GPR31: variants seen among roughly 807,000 people sequenced by gnomAD.
The protein encoded by GPR31 is G protein-coupled receptor 31.
For missense variants in GPR31, 394 were observed against 400.5 expected, an observed-to-expected ratio of 0.98 and a Z score of 0.14; for synonymous variants, 209 against 183.8, an observed-to-expected ratio of 1.14 and a Z score of -1.11.
rs751029396 is a variant in GPR31, at chr6:167,157,031, C to T, written c.801G>A (p.Thr267=). The change falls in exon 1 of 1, where the codon ACG becomes ACA. Residue 267 remains threonine, a synonymous_variant. Coordinates refer to ENST00000366834, the MANE Select transcript of GPR31 (RefSeq NM_005299.3). ...LCAVAHTSDV[T]GSLTYLHSVL... is the part of the protein sequence containing the mutation. ...CACTGTGCAGGTAGGTGAGGCTGCC[C>T]GTGACATCCGAGGTATGAGCCACTG... The T allele has an allele frequency of 2.8e-5, 45 of 1,613,966 alleles. No individual in the cohort carries two copies. In the South Asian group the frequency reaches 4.2e-4, roughly 15 times the overall value.
At position 167,157,660 on chromosome 6, in the gene GPR31, G is replaced by A. The variant is rs753133624; in HGVS notation, c.172C>T (p.Leu58=). 12 of 1,613,800 alleles carry A rather than the reference G, an allele frequency of 7.4e-6. No homozygotes were observed. In the African/African-American group the frequency reaches 1.6e-4, roughly 22 times the overall value. Residue 58 remains leucine (L), a synonymous_variant, in exon 1 of 1, where the codon CTG becomes TTG. Coordinates refer to ENST00000366834, the MANE Select transcript of GPR31 (RefSeq NM_005299.3). ...PYAVYLLNLA[L]ADLLLAACLP... is the part of the protein sequence containing the mutation. ...CACGCAGCCAACAGCAGGTCAGCCA[G>A]GGCCAGGTTGAGCAGGTAGACAGCG...
At position 167,156,821 on chromosome 6, in the gene GPR31, T is replaced by C; in HGVS notation, c.*51A>G. The C allele has an allele frequency of 6.6e-7, 1 of 1,513,872 alleles. No homozygotes were observed. The highest frequency in any genetic ancestry group is 8.9e-7 in the Non-Finnish European group (1 of 1,129,510). 93.8% of individuals were successfully genotyped at this position (1,513,872 alleles called of 1,614,324 possible). On this transcript the variant is annotated 3_prime_UTR_variant, in exon 1 of 1. Transcript: ENST00000366834. This position sits in a 1 kb window ranked among gnomAD's most constrained non-coding sequence, Gnocchi z 4.5. ...ATCCCAAAGTAGGAGTAATTATTAT[T>C]TAGGTCGCAGGTAGTTCCATAAACA...
At position 167,157,580 on chromosome 6, in the gene GPR31, A is replaced by C. The variant is rs748543094; in HGVS notation, c.252T>G (p.Arg84=). Reference sequence around the variant, plus strand: ...GGAAGTGCAGGGCCCAGCAGCCCACACGGCCCAGATGCCAAGCCTGGAGGC... The same window carrying C: ...GGAAGTGCAGGGCCCAGCAGCCCACCCGGCCCAGATGCCAAGCCTGGAGGC... ...YLSLQAWHLG[R]VGCWALHFLL... The change falls in exon 1 of 1, where the codon CGT becomes CGG. Residue 84 remains arginine, a synonymous_variant. Transcript: ENST00000366834. 9.0e-5 allele frequency: 145 copies of C among 1,610,770 alleles called. No individual in the cohort carries two copies. Among genetic ancestry groups the C allele is most frequent in the Admixed American group, 1.7e-4 (10 of 59,784 alleles).
At position 167,156,211 on chromosome 6, in the gene GPR31, G is replaced by C. The variant is rs1782061027; in HGVS notation, c.*661C>G. 1 of 152,172 alleles carries C rather than the reference G, an allele frequency of 6.6e-6. No homozygotes were observed. The highest frequency in any genetic ancestry group is 2.4e-5 in the African/African-American group (1 of 41,434). The allele number at this position is 152,172 out of a possible 1,614,324, so 9.4% of individuals were successfully genotyped here. ...GAGGCAAATTCCAGAAACGTATCAG[G>C]AAAGCATTTCTTACAGTAAACTAGG... is the stretch of plus-strand genomic sequence containing the variant. On this transcript the variant is annotated 3_prime_UTR_variant, in exon 1 of 1. Transcript: ENST00000366834. The surrounding 1 kb of genome is among the most constrained non-coding windows in gnomAD (Gnocchi z 4.5).
Position 167,157,854 on chromosome 6 carries a change from G to T in GPR31, c.-23C>A. 1 of 1,587,554 alleles carries T rather than the reference G, an allele frequency of 6.3e-7. No homozygotes were observed. ...CATCACCCGGCCGTGAGGGGCTGCA[G>T]GCACAGCTGGAGCAGGTACAGGAGG... On this transcript the variant is annotated 5_prime_UTR_variant, in exon 1 of 1. The change creates a new upstream start codon in the 5' untranslated region. Transcript: ENST00000366834.
chr6:167,156,724 C>A lies in GPR31; in HGVS notation c.*148G>T. 2 of 877,276 alleles carry A rather than the reference C, an allele frequency of 2.3e-6. No individual in the cohort carries two copies. Among genetic ancestry groups the A allele is most frequent in the East Asian group, 5.0e-5 (2 of 40,028 alleles). 54.3% of individuals were successfully genotyped at this position (877,276 alleles called of 1,614,324 possible). ...CTGGTCAACAAAGTATAAGACCACA[C>A]CTGCAGCAACTGTGCCCATGTTTAT... On this transcript the variant is annotated 3_prime_UTR_variant, in exon 1 of 1. Transcript: ENST00000366834. This position sits in a 1 kb window ranked among gnomAD's most constrained non-coding sequence, Gnocchi z 4.5.
chr6:167,157,613 G>A lies in GPR31; in HGVS notation c.219C>T (p.Phe73=), dbSNP rs1260800078. Residue 73 remains phenylalanine (F), a synonymous_variant, in exon 1 of 1, where the codon TTC becomes TTT. Transcript: ENST00000366834. ...GATGCCAAGCCTGGAGGCTCAGGTA[G>A]AAGGCGGCCAGGAAAGGCAGGCACG... ...LAACLPFLAA[F]YLSLQAWHLG... The A allele has an allele frequency of 6.2e-7, 1 of 1,613,686 alleles. No individual in the cohort carries two copies. Among genetic ancestry groups the A allele is most frequent in the Non-Finnish European group, 8.5e-7 (1 of 1,179,850 alleles).
At position 167,155,737 on chromosome 6, in the gene GPR31, C is replaced by A. The variant is rs1307014499; in HGVS notation, c.*1135G>T. Reference sequence around the variant, plus strand: ...GCAGCTCACCAGGCCCATGTCGTGACAAGGCAGGCCTCCCGCCTCCTCTGG... The same window carrying A: ...GCAGCTCACCAGGCCCATGTCGTGAAAAGGCAGGCCTCCCGCCTCCTCTGG... On this transcript the variant is annotated 3_prime_UTR_variant, in exon 1 of 1. Transcript: ENST00000366834. Among the ~76,000 whole-genome samples the A allele has an allele frequency of 6.6e-6, 1 of 152,254 alleles. No individual in the cohort carries two copies. The highest frequency in any genetic ancestry group is 2.4e-5 in the African/African-American group (1 of 41,474).
rs771380775 is a variant in GPR31, at chr6:167,157,297, C to T, written c.535G>A (p.Glu179Lys). The change falls in exon 1 of 1, where the codon GAA becomes AAA. Residue 179 changes from glutamate (E) to lysine (K), a missense_variant. Glu to Lys is a moderately conservative substitution (Grantham distance 56). Transcript: ENST00000366834. ...ACAAACTGAAGGCAGGAGAGTGCTT[C>T]CTGCCAGATGATGCTGAAGGAGCCG... ...ADGSFSIIWQ[E>K]ALSCLQFVLP... 1.2e-6 allele frequency: 2 copies of T among 1,614,134 alleles called. No homozygotes were observed. Among genetic ancestry groups the T allele is most frequent in the Non-Finnish European group, 1.7e-6 (2 of 1,180,020 alleles).
At position 167,157,594 on chromosome 6, in the gene GPR31, A is replaced by C; in HGVS notation, c.238T>G (p.Trp80Gly). ...CAGCAGCCCACACGGCCCAGATGCCAAGCCTGGAGGCTCAGGTAGAAGGCG... is the reference window on the plus strand; with the variant it reads ...CAGCAGCCCACACGGCCCAGATGCCCAGCCTGGAGGCTCAGGTAGAAGGCG... ...LAAFYLSLQA[W>G]HLGRVGCWAL... Residue 80 changes from tryptophan (W) to glycine (G), a missense_variant, in exon 1 of 1, where the codon TGG becomes GGG. Transcript: ENST00000366834. 6.2e-7 allele frequency: 1 copy of C among 1,611,632 alleles called. No individual in the cohort carries two copies. The highest frequency in any genetic ancestry group is 8.5e-7 in the Non-Finnish European group (1 of 1,178,244).
Position 167,157,306 on chromosome 6 carries a change from T to A in GPR31, c.526A>T (p.Ile176Phe), listed in dbSNP as rs987817740. The A allele has an allele frequency of 1.2e-6, 2 of 1,613,768 alleles. No individual in the cohort carries two copies. The highest frequency in any genetic ancestry group is 2.7e-5 in the African/African-American group (2 of 74,860). ...AGGCAGGAGAGTGCTTCCTGCCAGATGATGCTGAAGGAGCCGTCTGCCCTG... is the reference window on the plus strand; with the variant it reads ...AGGCAGGAGAGTGCTTCCTGCCAGAAGATGCTGAAGGAGCCGTCTGCCCTG... ...YSRADGSFSI[I>F]WQEALSCLQF... The change falls in exon 1 of 1, where the codon ATC (isoleucine) becomes TTC (phenylalanine). Residue 176 changes from isoleucine to phenylalanine, a missense_variant. Ile to Phe is a conservative substitution (Grantham distance 21). Coordinates refer to ENST00000366834, the MANE Select transcript of GPR31 (RefSeq NM_005299.3).
chr6:167,156,860 C>T lies in GPR31; in HGVS notation c.*12G>A, dbSNP rs375648716. On this transcript the variant is annotated 3_prime_UTR_variant, in exon 1 of 1. Transcript: ENST00000366834. This position sits in a 1 kb window ranked among gnomAD's most constrained non-coding sequence, Gnocchi z 4.5. ...GTTCCATAAACACGGGCGTTGAGGA[C>T]GCTGGCTGTTGTCAGGAATAGGAGT... 1.1e-4 allele frequency: 171 copies of T among 1,560,888 alleles called. No homozygotes were observed. The highest frequency in any genetic ancestry group is 1.2e-4 in the Non-Finnish European group (144 of 1,155,864).
Position 167,157,525 on chromosome 6 carries a change from C to A in GPR31, c.307G>T (p.Ala103Ser), listed in dbSNP as rs1398103344. ...LLDLSRSVGMAFLAAVALDRY... is the reference protein window; with the variant it reads ...LLDLSRSVGMSFLAAVALDRY... ...TCCAAAGCCACGGCGGCCAGGAAGG[C>A]CATCCCCACGCTGCGGCTGAGGTCC... Residue 103 changes from alanine (A) to serine (S), a missense_variant, in exon 1 of 1, where the codon GCC (alanine) becomes TCC (serine). Coordinates refer to ENST00000366834, the MANE Select transcript of GPR31 (RefSeq NM_005299.3). The A allele has an allele frequency of 6.2e-7, 1 of 1,610,764 alleles. No individual in the cohort carries two copies. The highest frequency in any genetic ancestry group is 1.1e-5 in the South Asian group (1 of 90,912).
At position 167,157,110 on chromosome 6, in the gene GPR31, G is replaced by A. The variant is rs576406275; in HGVS notation, c.722C>T (p.Ala241Val). 12 of 1,614,206 alleles carry A rather than the reference G, an allele frequency of 7.4e-6. 1 individual carries two copies. The highest frequency in any genetic ancestry group is 3.3e-4 in the Middle Eastern group (2 of 6,062). ...FALCFLPCFL[A>V]RVLMHIFQNL... ...CTGGAAGATGTGCATCAGGACTCTGGCCAGGAAGCAGGGCAGAAAGCACAG... is the reference window on the plus strand; with the variant it reads ...CTGGAAGATGTGCATCAGGACTCTGACCAGGAAGCAGGGCAGAAAGCACAG... The change falls in exon 1 of 1, where the codon GCC becomes GTC. Residue 241 changes from alanine to valine, a missense_variant. Transcript: ENST00000366834.
chr6:167,156,804 G>T lies in GPR31; in HGVS notation c.*68C>A. 6.8e-7 allele frequency: 1 copy of T among 1,481,422 alleles called. No individual in the cohort carries two copies. The highest frequency in any genetic ancestry group is 1.4e-5 in the African/African-American group (1 of 71,064). The allele number at this position is 1,481,422 out of a possible 1,614,324, so 91.8% of individuals were successfully genotyped here. A position where few individuals can be genotyped will look rare whatever the true frequency, so the allele number is the denominator to read the frequency against. ...CTTCTTCTTCTTCCAGAATCCCAAAGTAGGAGTAATTATTATTTAGGTCGC... is the reference window on the plus strand; with the variant it reads ...CTTCTTCTTCTTCCAGAATCCCAAATTAGGAGTAATTATTATTTAGGTCGC... On this transcript the variant is annotated 3_prime_UTR_variant, in exon 1 of 1. Coordinates refer to ENST00000366834, the MANE Select transcript of GPR31 (RefSeq NM_005299.3). This position sits in a 1 kb window ranked among gnomAD's most constrained non-coding sequence, Gnocchi z 4.5.
At position 167,157,142 on chromosome 6, in the gene GPR31, C is replaced by T. The variant is rs1404842950; in HGVS notation, c.690G>A (p.Leu230=). The T allele has an allele frequency of 6.2e-7, 1 of 1,614,224 alleles. No homozygotes were observed. Among genetic ancestry groups the T allele is most frequent in the South Asian group, 1.1e-5 (1 of 91,088 alleles). Residue 230 remains leucine, a synonymous_variant, in exon 1 of 1, where the codon CTG becomes CTA. Transcript: ENST00000366834. ...AGCAGGGCAGAAAGCACAGAGCAAA[C>T]AGCACCACCACCAAGGTGACCAGTG... is the stretch of plus-strand genomic sequence containing the variant. The part of the protein sequence containing the change: ...AQALVTLVVV[L]FALCFLPCFL...
chr6:167,156,366 C>G lies in GPR31; in HGVS notation c.*506G>C, dbSNP rs1255614870. The G allele has an allele frequency of 6.5e-6, 1 of 153,338 alleles. No individual in the cohort carries two copies. The highest frequency in any genetic ancestry group is 2.4e-5 in the African/African-American group (1 of 41,448). 9.5% of individuals were successfully genotyped at this position (153,338 alleles called of 1,614,324 possible). On this transcript the variant is annotated 3_prime_UTR_variant, in exon 1 of 1. Coordinates refer to ENST00000366834, the MANE Select transcript of GPR31 (RefSeq NM_005299.3). This position sits in a 1 kb window ranked among gnomAD's most constrained non-coding sequence, Gnocchi z 4.5. ...CAGTACCTTATATACAGCAGAGTCTCTTTTTAGAACCAGGGCACTTTCTGA... is the reference window on the plus strand; with the variant it reads ...CAGTACCTTATATACAGCAGAGTCTGTTTTTAGAACCAGGGCACTTTCTGA...
rs1177272558 is a variant in GPR31 at position 167,155,362 on chromosome 6, T to C, written c.*1510A>G. 1.3e-5 allele frequency among the ~76,000 whole-genome samples: 2 copies of C among 152,254 alleles called. No individual in the cohort carries two copies. The highest frequency in any genetic ancestry group is 6.5e-5 in the Admixed American group (1 of 15,286). Reference sequence around the variant, plus strand: ...AATAAAACCTCAGACAGTAGCAAAGTAATGCTGGTAGAATTCCAAATTATA... The same window carrying C: ...AATAAAACCTCAGACAGTAGCAAAGCAATGCTGGTAGAATTCCAAATTATA... On this transcript the variant is annotated 3_prime_UTR_variant, in exon 1 of 1. Coordinates refer to ENST00000366834, the MANE Select transcript of GPR31 (RefSeq NM_005299.3).
Position 167,157,373 on chromosome 6 carries a change from A to G in GPR31, c.459T>C (p.Ser153=), listed in dbSNP as rs771771543. ...VALTCPGLLI[S]EAAQNSTRCH... ...ACCTGGTGGAGTTCTGGGCGGCCTC[A>G]GAGATGAGCAAGCCCGGGCAGGTGA... is the stretch of plus-strand genomic sequence containing the variant. Residue 153 remains serine, a synonymous_variant, in exon 1 of 1, where the codon TCT becomes TCC. Coordinates refer to ENST00000366834, the MANE Select transcript of GPR31 (RefSeq NM_005299.3). 79 of 1,613,378 alleles carry G rather than the reference A, an allele frequency of 4.9e-5. No homozygotes were observed. In the South Asian group the frequency reaches 8.3e-4, roughly 17 times the overall value.
Sources: allele counts gnomAD v4.1 joint callset (sites outside exome capture counted in the v4.1 genomes callset), GRCh38; gene constraint gnomAD v4.1.1; non-coding constraint Gnocchi (gnomAD v3.1); transcripts MANE v1.5; gene names NCBI Gene and HGNC (gene_info 2026-07-23, HGNC 2026-07-21).